Variants in WDFY4 observed in about 807,000 individuals in gnomAD.
WDFY4 encodes the protein WDFY family member 4.
Under a neutral mutation model 351.9 loss-of-function variants are expected in WDFY4, and 169 were observed. The observed-to-expected ratio is 0.48, with a 90% CI of 0.42 to 0.55. The LOEUF (loss-of-function observed/expected upper bound fraction) is 0.55, where lower values mean the gene tolerates loss of function less well. Ranked by LOEUF, WDFY4 falls within the 20% of genes least tolerant of loss-of-function variation. WDFY4 has a pLI of 0.00. For missense variants in WDFY4, 3,803 were observed against 3,935.6 expected, an observed-to-expected ratio of 0.97 and a Z score of 0.90; for synonymous variants, 1,622 against 1,574.6, an observed-to-expected ratio of 1.03 and a Z score of -0.71.
intron 28 of WDFY4, among the ~76,000 whole-genome samples, chr10:48,808,669 G>T (rs2067337813): frequency 6.6e-6 from 1 of 152,196 alleles, no homozygotes; most frequent in Non-Finnish European, 1.5e-5. Flanking sequence ...TTTATAAATA[G>T]TGTTTAATAA....
At chr10:48,692,682 TG>T (rs746259460) in intron 1 of WDFY4, among the ~76,000 whole-genome samples, 1 of 152,176 alleles carries the variant, frequency 6.6e-6, no homozygotes, top group Non-Finnish European at 1.5e-5. Context: ...ATGATTGATT[TG>T]GGAATTAATG....
At chr10:48,960,331 C>T (rs778674045) in intron 53 of WDFY4, among the ~76,000 whole-genome samples, 3 of 152,120 alleles carry the variant, frequency 2.0e-5, no homozygotes, top group Non-Finnish European at 4.4e-5. Flanking sequence ...CATTGGTCAC[C>T]AGGGAGAAAT....
Position 48,729,424 on chromosome 10 carries a change from T to C in WDFY4, c.972-8T>C. On this transcript the variant is annotated splice_polypyrimidine_tract_variant and splice_region_variant and intron_variant, in intron 7 of 61. Transcript: ENST00000325239. Reference sequence around the variant, plus strand: ...AGTACAGGGAGCTGGCCTCATCTGTTCCCCCAGGTATGATGGGCTGACCCA... The same window carrying C: ...AGTACAGGGAGCTGGCCTCATCTGTCCCCCCAGGTATGATGGGCTGACCCA... The C allele has an allele frequency of 1.3e-6, 2 of 1,550,390 alleles. No homozygotes were observed. The highest frequency in any genetic ancestry group is 1.7e-6 in the Non-Finnish European group (2 of 1,146,950).
intron 39 of WDFY4, among the ~76,000 whole-genome samples, chr10:48,849,419 G>T (rs2068884834): frequency 6.6e-6 from 1 of 152,184 alleles, no homozygotes; most frequent in Non-Finnish European, 1.5e-5. Flanking sequence ...TTAAGTACCA[G>T]ATGAAGTGAC....
At chr10:48,744,988 A>G (rs1304882396) in intron 12 of WDFY4, among the ~76,000 whole-genome samples, 2 of 151,928 alleles carry the variant, frequency 1.3e-5, no homozygotes, top group African/African-American at 2.4e-5. Context: ...CTATGAACCA[A>G]CTTTGACTTT....
intron 43 of WDFY4, among the ~76,000 whole-genome samples, chr10:48,883,387 G>GGGGTGTGTGT (rs1313515555): frequency 5.3e-4 from 61 of 115,524 alleles, no homozygotes; most frequent in Admixed American, 9.8e-4. Context: ...GTTTGTGCAA[G>GGGGTGTGTGT]GGGTGTGTGT....
intron 39 of WDFY4, among the ~76,000 whole-genome samples, chr10:48,859,448 T>C (rs1166612656): frequency 1.3e-5 from 2 of 152,222 alleles, no homozygotes; most frequent in Non-Finnish European, 2.9e-5. Context: ...TTTTATTGAA[T>C]GTTATCCTGT....
chr10:48,941,691 T>C (rs1416145925), intron 47 of WDFY4, 115 bp from the exon 48 acceptor site: 1 of 1,041,880 alleles, frequency 9.6e-7, no homozygotes, highest in East Asian at 2.6e-5. Context: ...ATTTGGGAAG[T>C]CTGCAGCTTT....
Position 48,873,474 on chromosome 10 carries a change from C to T in WDFY4, c.6742-17C>T. ...TAAGGCAAATGTATCCAGGGTGACT[C>T]TGTTTCTGCTCCCCAGAGGCGAAAA... On this transcript the variant is annotated splice_polypyrimidine_tract_variant and intron_variant, in intron 40 of 61. Coordinates refer to ENST00000325239, the MANE Select transcript of WDFY4 (RefSeq NM_001394531.1). 2 of 1,535,634 alleles carry T rather than the reference C, an allele frequency of 1.3e-6. No homozygotes were observed. The highest frequency in any genetic ancestry group is 1.8e-6 in the Non-Finnish European group (2 of 1,139,720).
intron 45 of WDFY4, 44 bp downstream of exon 45, chr10:48,897,618 A>G: frequency 6.5e-7 from 1 of 1,532,882 alleles, no homozygotes; most frequent in Non-Finnish European, 8.8e-7. Context: ...TGCGAGAGGC[A>G]GGGCCATGGG....
rs1267428139 is a variant in WDFY4, at chr10:48,775,729, G to C, written c.2786G>C (p.Gly929Ala). 1.3e-6 allele frequency: 2 copies of C among 1,551,668 alleles called. No individual in the cohort carries two copies. The highest frequency in any genetic ancestry group is 3.9e-5 in the Admixed American group (2 of 51,002). Reference protein sequence around the residue: ...PDVLRQFLGLGIPSSLSATTK... With the variant: ...PDVLRQFLGLAIPSSLSATTK... ...ATGTTCAGACAGTTTCTAGGTCTTG[G>C]AATTCCCTCATCTCTGTCGGCCACA... Residue 929 changes from glycine (G) to alanine (A), a missense_variant, in exon 15 of 62, where the codon GGA becomes GCA. Coordinates refer to ENST00000325239, the MANE Select transcript of WDFY4 (RefSeq NM_001394531.1).
intron 1 of WDFY4, among the ~76,000 whole-genome samples, chr10:48,686,315 C>CAA (rs371080036): frequency 0.017 from 1,723 of 98,810 alleles, 44 homozygotes; most frequent in African/African-American, 0.052. Context: ...ACTCCATCTC[C>CAA]AAAAAAAAAA....
intron 5 of WDFY4, 115 bp from the exon 6 acceptor site, chr10:48,725,766 G>A: frequency 8.9e-7 from 1 of 1,123,424 alleles, no homozygotes; most frequent in Non-Finnish European, 1.3e-6. Flanking sequence ...ATTCAATCCT[G>A]TCCTTCTCAC....
intron 44 of WDFY4, among the ~76,000 whole-genome samples, chr10:48,893,409 G>C (rs1015540616): frequency 1.3e-5 from 2 of 152,154 alleles, no homozygotes; most frequent in Non-Finnish European, 2.9e-5. Flanking sequence ...CCCATGACAA[G>C]GGCATTCAAG....
At chr10:48,761,429 C>G (rs2065501815) in intron 13 of WDFY4, among the ~76,000 whole-genome samples, 1 of 152,118 alleles carries the variant, frequency 6.6e-6, no homozygotes, top group East Asian at 1.9e-4. Flanking sequence ...GGAGTCTCTG[C>G]CTGCGGTCCA....
chr10:48,819,699 A>T (rs1250103025), intron 32 of WDFY4, among the ~76,000 whole-genome samples: 1 of 152,182 alleles, frequency 6.6e-6, no homozygotes, highest in Non-Finnish European at 1.5e-5. Context: ...TAGAGGAAAG[A>T]ACTCTTTGGA....
chr10:48,901,761 T>A, intron 46 of WDFY4, 40 bp from the exon 47 acceptor site: 1 of 1,546,896 alleles, frequency 6.5e-7, no homozygotes, highest in Non-Finnish European at 8.8e-7. Flanking sequence ...GAAAGGGTCT[T>A]GACTCTGCTG....
chr10:48,900,086 G>A (rs771579865), intron 45 of WDFY4, 135 bp from the exon 46 acceptor site: 1 of 679,734 alleles, frequency 1.5e-6, no homozygotes, highest in Non-Finnish European at 2.4e-6. Flanking sequence ...CCTACCATGG[G>A]AACTCAAAAG....
chr10:48,843,343 C>T lies in WDFY4; in HGVS notation c.6663+10634C>T, dbSNP rs542826084. Among the ~76,000 whole-genome samples, 4 of 152,330 alleles carry T rather than the reference C, an allele frequency of 2.6e-5. No homozygotes were observed. The South Asian group carries it at 8.3e-4, about 32-fold the overall frequency. ...AAAAAATTGAGTAATACAGAGTCCACATCTGCAGGTCAACTTGCAATATTT... is the reference window on the plus strand; with the variant it reads ...AAAAAATTGAGTAATACAGAGTCCATATCTGCAGGTCAACTTGCAATATTT... On this transcript the variant is annotated intron_variant, in intron 39 of 61. Coordinates refer to ENST00000325239, the MANE Select transcript of WDFY4 (RefSeq NM_001394531.1).
Sources: allele counts gnomAD v4.1 joint callset (sites outside exome capture counted in the v4.1 genomes callset), GRCh38; gene constraint gnomAD v4.1.1; transcripts MANE v1.5; gene names NCBI Gene and HGNC (gene_info 2026-07-23, HGNC 2026-07-21).